NRG3: variants seen among roughly 807,000 people sequenced by gnomAD.
NRG3 encodes neuregulin 3.
In NRG3, 31 loss-of-function variants were observed where a neutral mutation model predicts 66.9. That is an observed-to-expected ratio of 0.46 (90% CI 0.35 to 0.63). The LOEUF (loss-of-function observed/expected upper bound fraction) is 0.63, where lower values mean the gene tolerates loss of function less well. NRG3 is among the 20% of genes least tolerant of loss of function. The pLI, the probability that NRG3 is intolerant of heterozygous loss-of-function variation, is 0.00. For missense variants in NRG3, 910 were observed against 878.9 expected (o/e 1.04, Z -0.45); for synonymous variants, 393 against 359.4 (o/e 1.09, Z -1.06).
At chr10:82,251,806 A>G (rs2077502034) in intron 1 of NRG3, among the ~76,000 whole-genome samples, 1 of 151,980 alleles carries the variant, frequency 6.6e-6, no homozygotes, top group East Asian at 1.9e-4. Context: ...AGGCCAATTA[A>G]CTCCAATCAC....
At chr10:82,730,582 A>G (rs1353528635) in intron 2 of NRG3, among the ~76,000 whole-genome samples, 1 of 152,216 alleles carries the variant, frequency 6.6e-6, no homozygotes, top group Non-Finnish European at 1.5e-5. Context: ...GATTCTTTCA[A>G]TTATAGTTAA....
intron 2 of NRG3, among the ~76,000 whole-genome samples, chr10:82,687,579 A>G (rs1488701851): frequency 6.6e-6 from 1 of 152,080 alleles, no homozygotes; most frequent in Non-Finnish European, 1.5e-5. Flanking sequence ...AAGAGTGGCC[A>G]TGGTTTGGGA....
chr10:82,208,483 T>C (rs935753619), intron 1 of NRG3, among the ~76,000 whole-genome samples: 3 of 152,144 alleles, frequency 2.0e-5, no homozygotes, highest in Non-Finnish European at 4.4e-5. Context: ...CATAACCATA[T>C]GTTTTACCAC....
At chr10:82,429,472 G>T (rs2089657354) in intron 2 of NRG3, among the ~76,000 whole-genome samples, 1 of 151,956 alleles carries the variant, frequency 6.6e-6, no homozygotes, top group Non-Finnish European at 1.5e-5. Flanking sequence ...GGACTCCATG[G>T]TTTCTAATGA....
chr10:82,842,066 C>T (rs977566064), intron 3 of NRG3, among the ~76,000 whole-genome samples: 34 of 152,080 alleles, frequency 2.2e-4, no homozygotes, highest in African/African-American at 7.5e-4. Context: ...GCCTGGTCAA[C>T]ATGGCGAAAC....
At chr10:82,236,414 A>G (rs974461055) in intron 1 of NRG3, among the ~76,000 whole-genome samples, 3 of 152,124 alleles carry the variant, frequency 2.0e-5, no homozygotes, top group African/African-American at 7.2e-5. Flanking sequence ...GGGGTGTGAA[A>G]GCCAGGGTGC....
rs17100599 is a variant in NRG3 at position 82,707,231 on chromosome 10, A to G, written c.954-31346A>G. On this transcript the variant is annotated intron_variant, in intron 2 of 8. Coordinates refer to ENST00000372141, the MANE Select transcript of NRG3 (RefSeq NM_001010848.4). ...CATTCCTTCTCGAGGTAGCAATTAT[A>G]TTAAATTCAACATTTCACAGTGTAT... 8.3e-4 allele frequency among the ~76,000 whole-genome samples: 127 copies of G among 152,144 alleles called. No homozygotes were observed. The East Asian group carries it at 0.022, about 26-fold the overall frequency.
intron 1 of NRG3, among the ~76,000 whole-genome samples, chr10:81,900,271 A>G (rs1425286777): frequency 3.2e-5 from 2 of 63,214 alleles, no homozygotes; most frequent in Non-Finnish European, 4.6e-5. Context: ...CACTTCTTAT[A>G]AGTGCCTAGC....
At chr10:82,272,709 A>G (rs934429208) in intron 1 of NRG3, among the ~76,000 whole-genome samples, 26 of 152,066 alleles carry the variant, frequency 1.7e-4, no homozygotes, top group African/African-American at 5.6e-4. Flanking sequence ...TTCTCTGACA[A>G]TAATTTTCAG....
At chr10:82,485,074 C>T (rs1163009073) in intron 2 of NRG3, among the ~76,000 whole-genome samples, 1 of 152,088 alleles carries the variant, frequency 6.6e-6, no homozygotes, top group Non-Finnish European at 1.5e-5. Flanking sequence ...TTATAGCACC[C>T]TTCACAATAC....
At chr10:82,108,227 G>A (rs1357885370) in intron 1 of NRG3, among the ~76,000 whole-genome samples, 1 of 152,170 alleles carries the variant, frequency 6.6e-6, no homozygotes, top group African/African-American at 2.4e-5. Flanking sequence ...ATTAATATTG[G>A]TCTTCATCCC....
At chr10:82,859,056 CCTG>C (rs2063970721) in intron 3 of NRG3, 1 of 150,618 alleles carries the variant, frequency 6.6e-6, no homozygotes, top group African/African-American at 2.4e-5. Flanking sequence ...ATGCCATTCT[CCTG>C]CCTCAGCCTC....
chr10:82,140,906 C>T (rs974158432), intron 1 of NRG3, among the ~76,000 whole-genome samples: 1 of 151,952 alleles, frequency 6.6e-6, no homozygotes, highest in Admixed American at 6.6e-5. Flanking sequence ...GTTAGCCTTA[C>T]CTAGCTTGAT....
At chr10:82,447,293 C>T (rs2090778707) in intron 2 of NRG3, among the ~76,000 whole-genome samples, 1 of 152,080 alleles carries the variant, frequency 6.6e-6, no homozygotes. Context: ...AGGCAACCAG[C>T]AGTCGGGGAG....
chr10:82,045,933 G>C lies in NRG3; in HGVS notation c.823+169770G>C, dbSNP rs2063270290. 4.0e-5 allele frequency among the ~76,000 whole-genome samples: 6 copies of C among 151,552 alleles called. No homozygotes were observed. The South Asian group carries it at 1.3e-3, about 32-fold the overall frequency. On this transcript the variant is annotated intron_variant, in intron 1 of 8. Coordinates refer to ENST00000372141, the MANE Select transcript of NRG3 (RefSeq NM_001010848.4). ...TTCTGTTCCATTGATTTATATCTCT[G>C]TTTTGGTACCAGTACCATGCTGTTT... is the stretch of plus-strand genomic sequence containing the variant.
chr10:82,089,758 G>A (rs2065924220), intron 1 of NRG3, among the ~76,000 whole-genome samples: 1 of 152,170 alleles, frequency 6.6e-6, no homozygotes, highest in Non-Finnish European at 1.5e-5. Context: ...AAGATATTAT[G>A]CAAAGTTGAA....
chr10:82,466,614 C>A (rs1027292362), intron 2 of NRG3, among the ~76,000 whole-genome samples: 23 of 152,220 alleles, frequency 1.5e-4, no homozygotes, highest in Admixed American at 1.4e-3. Context: ...GCCTGAAGAA[C>A]CCATGCAGAA....
intron 2 of NRG3, among the ~76,000 whole-genome samples, chr10:82,654,635 A>T (rs1394045028): frequency 6.6e-6 from 1 of 152,198 alleles, no homozygotes; most frequent in East Asian, 1.9e-4. Flanking sequence ...TAGTTATTTC[A>T]TTATATATTA....
intron 1 of NRG3, among the ~76,000 whole-genome samples, chr10:81,997,594 A>G (rs1200665400): frequency 6.6e-6 from 1 of 152,002 alleles, no homozygotes; most frequent in African/African-American, 2.4e-5. Flanking sequence ...TATGACACCT[A>G]ATATCTCGGA....
Sources: allele counts gnomAD v4.1 joint callset (sites outside exome capture counted in the v4.1 genomes callset), GRCh38; gene constraint gnomAD v4.1.1; transcripts MANE v1.5; gene names NCBI Gene and HGNC (gene_info 2026-07-23, HGNC 2026-07-21).